The following C10orf105 variants were observed in gnomAD, a reference collection of about 807,000 sequenced individuals.
The protein encoded by C10orf105 is chromosome 10 open reading frame 105, also known as uncharacterized protein C10orf105.
Under a neutral mutation model 0.6 loss-of-function variants are expected in C10orf105, and 2 were observed. The ratio of observed to expected loss-of-function variants is 3.18; its 90% confidence interval spans 1.30 to 10.01. C10orf105 has a LOEUF of 10.01. Ranked by LOEUF, C10orf105 falls within the 30% of genes most tolerant of loss-of-function variation. The pLI is 0.04. For synonymous variants in C10orf105, 95 were observed against 82.4 expected (o/e 1.15, Z -0.83); for missense variants, 209 against 191.4 (o/e 1.09, Z -0.54).
rs1014986864 is a variant in C10orf105 at position 71,714,325 on chromosome 10, T to G, written c.*1611A>C. The G allele has an allele frequency of 6.6e-6, 1 of 151,924 alleles. No individual in the cohort carries two copies. The highest frequency in any genetic ancestry group is 1.5e-5 in the Non-Finnish European group (1 of 68,034). 9.4% of individuals were successfully genotyped at this position (151,924 alleles called of 1,614,324 possible). On this transcript the variant is annotated 3_prime_UTR_variant, in exon 2 of 2. Transcript: ENST00000441508. ...ACACCCAGGCTGGGCCACGCTTCAC[T>G]CTGTACACAGAAGCCTCATACTTCT...
At chr10:71,733,434 G>A (rs79147732) in intron 1 of C10orf105, among the ~76,000 whole-genome samples, 168 of 152,218 alleles carry the variant, frequency 1.1e-3, no homozygotes, top group African/African-American at 3.8e-3. Context: ...GTAGAGGCAG[G>A]GCTGAACATT....
intron 1 of C10orf105, among the ~76,000 whole-genome samples, chr10:71,737,522 C>G (rs1189694470): frequency 6.6e-6 from 1 of 152,208 alleles, no homozygotes; most frequent in East Asian, 1.9e-4. Flanking sequence ...ATGGAATTTC[C>G]TCTGCAGCAT....
At chr10:71,734,416 G>T (rs879241767) in intron 1 of C10orf105, 2 of 1,506,366 alleles carry the variant, frequency 1.3e-6, no homozygotes, top group Non-Finnish European at 1.8e-6. Context: ...CCATGTCCTC[G>T]CCAGCCACCC....
rs903910809 is a variant in C10orf105, at chr10:71,713,004, C to T, written c.*2932G>A. Reference sequence around the variant, plus strand: ...CTCCCATCCCAGGGAGTGTGGGCCCCCAGGTTGCAGAGCTGAGGATAGGGC... The same window carrying T: ...CTCCCATCCCAGGGAGTGTGGGCCCTCAGGTTGCAGAGCTGAGGATAGGGC... On this transcript the variant is annotated 3_prime_UTR_variant, in exon 2 of 2. Transcript: ENST00000441508. 5 of 766,124 alleles carry T rather than the reference C, an allele frequency of 6.5e-6. No homozygotes were observed. In the South Asian group the frequency reaches 7.4e-5, roughly 11 times the overall value. 47.5% of individuals were successfully genotyped at this position (766,124 alleles called of 1,614,324 possible).
intron 1 of C10orf105, among the ~76,000 whole-genome samples, chr10:71,728,454 A>T (rs554743457): frequency 6.6e-5 from 10 of 152,180 alleles, no homozygotes; most frequent in African/African-American, 2.2e-4. Flanking sequence ...TCCACTGGTC[A>T]GGCTGCTGTT....
Position 71,712,266 on chromosome 10 carries a change from A to C in C10orf105, c.*3670T>G. On this transcript the variant is annotated 3_prime_UTR_variant, in exon 2 of 2. Coordinates refer to ENST00000441508, the MANE Select transcript of C10orf105 (RefSeq NM_001164375.3). ...GATCACTTCTCAAGATCCTTAACGT[A>C]ATTACATTTTCAAAGGCCCTTTTCC... The C allele has an allele frequency of 5.7e-6, 1 of 176,984 alleles. No individual in the cohort carries two copies. Among genetic ancestry groups the C allele is most frequent in the Non-Finnish European group, 1.2e-5 (1 of 81,898 alleles). 11.0% of individuals were successfully genotyped at this position (176,984 alleles called of 1,614,324 possible).
intron 1 of C10orf105, among the ~76,000 whole-genome samples, chr10:71,729,929 G>T (rs1332298930): frequency 2.6e-5 from 4 of 151,850 alleles, no homozygotes; most frequent in African/African-American, 7.3e-5. Context: ...CTGCCTCCCG[G>T]GTTCACACCA....
intron 1 of C10orf105, among the ~76,000 whole-genome samples, chr10:71,726,133 A>C (rs994837779): frequency 1.3e-5 from 2 of 152,142 alleles, no homozygotes; most frequent in Non-Finnish European, 2.9e-5. Context: ...TGTTATGTGT[A>C]CTACCGCCAG....
chr10:71,732,133 C>T lies in C10orf105; in HGVS notation c.-6+5595G>A. 6.2e-7 allele frequency: 1 copy of T among 1,614,022 alleles called. No homozygotes were observed. Among genetic ancestry groups the T allele is most frequent in the South Asian group, 1.1e-5 (1 of 91,082 alleles). ...CATGATGAATGTGTCGGCCACTGAC[C>T]AGGCCCCGCCCTTCAACCAGGGCTT... On this transcript the variant is annotated intron_variant, in intron 1 of 1. Coordinates refer to the C10orf105 transcript ENST00000398786.
At chr10:71,732,256 G>A (rs768631637) in intron 1 of C10orf105, 5 of 1,613,622 alleles carry the variant, frequency 3.1e-6, no homozygotes, top group African/African-American at 2.7e-5. Context: ...TCTGGCACTG[G>A]GTACTGAGAT....
intron 1 of C10orf105, among the ~76,000 whole-genome samples, chr10:71,726,281 A>C (rs1431249431): frequency 2.0e-5 from 3 of 152,150 alleles, no homozygotes; most frequent in Non-Finnish European, 2.9e-5. Flanking sequence ...GGAGATGGGA[A>C]GAGTCAGGCA....
At chr10:71,732,501 A>T (rs902088487) in intron 1 of C10orf105, 1 of 1,400,660 alleles carries the variant, frequency 7.1e-7, no homozygotes, top group African/African-American at 1.4e-5. Flanking sequence ...GTGTGGTGTT[A>T]GGTACCTGTA....
upstream of C10orf105, chr10:71,723,895 T>C (rs1402662950): frequency 1.3e-5 from 11 of 840,222 alleles, no homozygotes; most frequent in Admixed American, 6.0e-5. Flanking sequence ...ACACGTCCCC[T>C]TGTCTCCCAC....
At chr10:71,726,541 G>A (rs1866820595) in intron 1 of C10orf105, among the ~76,000 whole-genome samples, 1 of 152,224 alleles carries the variant, frequency 6.6e-6, no homozygotes, top group African/African-American at 2.4e-5. Context: ...CCTTGCAACT[G>A]CCCTGAGTGA....
chr10:71,715,029 CAG>C lies in C10orf105; in HGVS notation c.*905_*906del, dbSNP rs1866146629. On this transcript the variant is annotated 3_prime_UTR_variant, in exon 2 of 2. Coordinates refer to ENST00000441508, the MANE Select transcript of C10orf105 (RefSeq NM_001164375.3). The stretch of plus-strand genomic sequence containing the variant: ...CCACAGATAGCATCCCTAGTGTGGG[CAG>C]GACTTGGGACCCCACAGCTGTCCTG... 6.6e-6 allele frequency: 1 copy of C among 152,260 alleles called. No homozygotes were observed. The highest frequency in any genetic ancestry group is 2.4e-5 in the African/African-American group (1 of 41,434). 9.4% of individuals were successfully genotyped at this position (152,260 alleles called of 1,614,324 possible).
intron 1 of C10orf105, among the ~76,000 whole-genome samples, chr10:71,733,124 T>C (rs918222191): frequency 2.0e-5 from 3 of 152,226 alleles, no homozygotes; most frequent in Admixed American, 6.5e-5. Context: ...ATGAATTTGC[T>C]AGAGCAGCTT....
At chr10:71,737,190 A>G (rs946105464) in intron 1 of C10orf105, among the ~76,000 whole-genome samples, 20 of 152,158 alleles carry the variant, frequency 1.3e-4, no homozygotes, top group African/African-American at 4.8e-4. Flanking sequence ...AGCAAAACTC[A>G]TGACAGATGG....
chr10:71,720,110 G>A (rs996542060), upstream of C10orf105, among the ~76,000 whole-genome samples: 2 of 152,216 alleles, frequency 1.3e-5, no homozygotes, highest in African/African-American at 2.4e-5. Flanking sequence ...GTGCCTGCCA[G>A]CCACCAGGTT....
upstream of C10orf105, chr10:71,723,955 T>A: frequency 1.4e-6 from 2 of 1,422,610 alleles, no homozygotes; most frequent in South Asian, 1.2e-5. Context: ...TGGGGTAGGA[T>A]GCGTGAAGGG....
Sources: gnomAD v4.1 joint callset for allele counts (sites outside exome capture counted in the v4.1 genomes callset) on GRCh38, gnomAD v4.1.1 for gene constraint, MANE v1.5 for transcripts, NCBI Gene and HGNC (gene_info 2026-07-23, HGNC 2026-07-21) for gene names.